TOM1L2: variants seen among roughly 807,000 people sequenced by gnomAD.
TOM1L2 encodes the protein target of myb1 like 2 membrane trafficking protein, also known as TOM1-like protein 2.
Under a neutral mutation model 67.9 loss-of-function variants are expected in TOM1L2, and 31 were observed. The ratio of observed to expected loss-of-function variants is 0.46; its 90% CI spans 0.34 to 0.62. The LOEUF is 0.62. TOM1L2 is among the 20% of genes least tolerant of loss of function. The pLI is 0.01. For synonymous variants in TOM1L2, 256 were observed against 254.0 expected (o/e 1.01, Z -0.07); for missense variants, 606 against 663.5 (o/e 0.91, Z 0.95).
At chr17:17,911,579 C>G (rs1041308634) in intron 1 of TOM1L2, among the ~76,000 whole-genome samples, 1 of 152,034 alleles carries the variant, frequency 6.6e-6, no homozygotes, top group East Asian at 1.9e-4. Context: ...GTGAGGGAGC[C>G]CACATTGAGT....
At chr17:17,943,556 A>G (rs781650728) in intron 1 of TOM1L2, among the ~76,000 whole-genome samples, 1 of 152,196 alleles carries the variant, frequency 6.6e-6, no homozygotes, top group Non-Finnish European at 1.5e-5. Context: ...AAATGCATGG[A>G]AAGGGGAGCC....
At chr17:17,864,508 CT>C (rs1170977424) in intron 10 of TOM1L2, among the ~76,000 whole-genome samples, 161 of 139,790 alleles carry the variant, frequency 1.2e-3, no homozygotes, top group Admixed American at 2.3e-3. Flanking sequence ...CCGCACCCGG[CT>C]TTTTTTTTTT....
chr17:17,937,647 C>T (rs1267207686), intron 1 of TOM1L2, among the ~76,000 whole-genome samples: 1 of 152,198 alleles, frequency 6.6e-6, no homozygotes, highest in Non-Finnish European at 1.5e-5. Context: ...CTTTCTAAGG[C>T]TGACAAACTG....
intron 1 of TOM1L2, among the ~76,000 whole-genome samples, chr17:17,971,666 G>A (rs2042092882): frequency 6.6e-6 from 1 of 151,542 alleles, no homozygotes. Context: ...GGCAGTGGCA[G>A]TGAGCCTGCT....
At chr17:17,964,473 T>C (rs1260192819) in intron 1 of TOM1L2, among the ~76,000 whole-genome samples, 2 of 152,262 alleles carry the variant, frequency 1.3e-5, no homozygotes, top group African/African-American at 4.8e-5. Context: ...AATACAAAAG[T>C]ATTCCATTAT....
chr17:17,850,099 G>A (rs2035874121), intron 13 of TOM1L2, among the ~76,000 whole-genome samples: 1 of 152,142 alleles, frequency 6.6e-6, no homozygotes, highest in South Asian at 2.1e-4. Flanking sequence ...GCCCCCTACA[G>A]AGGAGGCACC....
intron 2 of TOM1L2, 120 bp downstream of exon 2, chr17:17,907,327 C>T (rs545317662): frequency 3.8e-4 from 316 of 839,420 alleles, no homozygotes; most frequent in South Asian, 8.2e-4. Flanking sequence ...TTATTCGATG[C>T]CAAACCAAAC....
intron 9 of TOM1L2, 93 bp downstream of exon 9, chr17:17,866,783 C>A: frequency 1.6e-6 from 2 of 1,266,070 alleles, no homozygotes; most frequent in South Asian, 1.2e-5. Flanking sequence ...TATTTCAAAA[C>A]CAGTTAGAAA....
intron 12 of TOM1L2, among the ~76,000 whole-genome samples, chr17:17,856,538 G>T (rs574123814): frequency 6.6e-6 from 1 of 152,340 alleles, no homozygotes; most frequent in East Asian, 1.9e-4. Flanking sequence ...TGCTCAAGCA[G>T]GTGGACCCTG....
intron 1 of TOM1L2, 100 bp downstream of exon 1, chr17:17,972,161 CG>C: frequency 1.4e-6 from 2 of 1,444,620 alleles, no homozygotes; most frequent in Non-Finnish European, 1.9e-6. Flanking sequence ...AGGCCCAGCC[CG>C]CTCGTGAAGT....
intron 7 of TOM1L2, among the ~76,000 whole-genome samples, chr17:17,877,201 C>A: frequency 6.6e-6 from 1 of 152,324 alleles, no homozygotes; most frequent in South Asian, 2.1e-4. Context: ...AAGTGCTTTG[C>A]GATGTGCAGG....
chr17:17,893,720 T>C lies in TOM1L2; in HGVS notation c.307A>G (p.Ile103Val), dbSNP rs750130496. ...GTGGGAGGGTTGTTCTTGGGAGATA[T>C]AATTTTGACCAGAACACTGTCGATG... ...DFIDSVLVKI[I>V]SPKNNPPTIV... The change falls in exon 4 of 15, where the codon ATA (isoleucine) becomes GTA (valine). Residue 103 changes from isoleucine (I) to valine (V), a missense_variant. By Grantham distance (29) the Ile-to-Val change is conservative. This residue lies in a region of TOM1L2 where 543 missense variants were observed against 554.0 expected (regional missense o/e 0.98). Transcript: ENST00000379504. The C allele has an allele frequency of 4.3e-6, 7 of 1,614,036 alleles. No individual in the cohort carries two copies. Among genetic ancestry groups the C allele is most frequent in the East Asian group, 2.2e-5 (1 of 44,896 alleles).
At chr17:17,953,679 A>G (rs1038493163) in intron 1 of TOM1L2, among the ~76,000 whole-genome samples, 1 of 152,248 alleles carries the variant, frequency 6.6e-6, no homozygotes. Flanking sequence ...CCCAACACAC[A>G]TGAAGACACA....
At chr17:17,944,618 C>T (rs965681429) in intron 1 of TOM1L2, among the ~76,000 whole-genome samples, 3 of 152,176 alleles carry the variant, frequency 2.0e-5, no homozygotes, top group Non-Finnish European at 4.4e-5. Context: ...CCCCAAAGCA[C>T]CAGGCACCTG....
At chr17:17,925,024 ACT>A (rs943695340) in intron 1 of TOM1L2, among the ~76,000 whole-genome samples, 3 of 150,690 alleles carry the variant, frequency 2.0e-5, no homozygotes, top group East Asian at 2.0e-4. Context: ...TCCCTCCTCC[ACT>A]CTCTCTCTCT....
intron 1 of TOM1L2, among the ~76,000 whole-genome samples, chr17:17,942,555 C>A (rs778807083): frequency 6.6e-6 from 1 of 152,014 alleles, no homozygotes; most frequent in Non-Finnish European, 1.5e-5. Context: ...ATGTATGGGC[C>A]GATATGTACA....
chr17:17,854,082 T>A (rs1040623560), intron 12 of TOM1L2, among the ~76,000 whole-genome samples: 12 of 152,244 alleles, frequency 7.9e-5, no homozygotes, highest in African/African-American at 2.4e-4. Context: ...GTTAAGCTTA[T>A]ATAACGTAAG....
chr17:17,955,505 A>C (rs979917705), intron 1 of TOM1L2, among the ~76,000 whole-genome samples: 9 of 151,740 alleles, frequency 5.9e-5, no homozygotes, highest in African/African-American at 1.9e-4. Flanking sequence ...AGCCCAGATA[A>C]ATTTTTTGTA....
At chr17:17,869,232 T>G in intron 8 of TOM1L2, 108 bp downstream of exon 8, 2 of 1,547,974 alleles carry the variant, frequency 1.3e-6, no homozygotes, top group East Asian at 2.3e-5. Context: ...TTTCCAACTC[T>G]AATCTCTCTC....
Sources: gnomAD v4.1 joint callset for allele counts (sites outside exome capture counted in the v4.1 genomes callset) on GRCh38, gnomAD v4.1.1 for gene constraint, gnomAD v4.1.1 regional missense constraint, MANE v1.5 for transcripts, NCBI Gene and HGNC (gene_info 2026-07-23, HGNC 2026-07-21) for gene names.